The following CACNA2D3 variants were observed in gnomAD, a reference collection of about 807,000 sequenced individuals.
The protein encoded by CACNA2D3 is voltage-dependent calcium channel subunit alpha-2/delta-3.
CACNA2D3 carries 60 observed loss-of-function variants against 160.6 expected under a neutral mutation model. The observed-to-expected ratio is 0.37, with a 90% CI of 0.30 to 0.46. The LOEUF is 0.46. Ranked by LOEUF, CACNA2D3 falls within the 20% of genes least tolerant of loss-of-function variation. CACNA2D3 has a pLI of 1.00. For synonymous variants in CACNA2D3, 558 were observed against 492.9 expected (o/e 1.13, Z -1.75); for missense variants, 1,205 against 1,365.0 (o/e 0.88, Z 1.85).
In CACNA2D3 at chr3:54,933,174, A is replaced by G. The variant is rs1243267638; in HGVS notation, c.2449+33306A>G. ...TATAAGAGATAGAAAAATAAGAAAC[A>G]TAGAAAACTAGGAATATATTTTAAA... On this transcript the variant is annotated intron_variant, in intron 27 of 37. Transcript: ENST00000474759. Among the ~76,000 whole-genome samples, 4 of 152,082 alleles carry G rather than the reference A, an allele frequency of 2.6e-5. No homozygotes were observed. In the East Asian group the frequency reaches 5.8e-4, roughly 22 times the overall value.
intron 27 of CACNA2D3, among the ~76,000 whole-genome samples, chr3:54,908,087 T>C (rs1237485950): frequency 6.6e-6 from 1 of 152,214 alleles, no homozygotes; most frequent in East Asian, 1.9e-4. Flanking sequence ...AGTAGAATTG[T>C]TGGGTCATAT....
chr3:54,970,617 T>C (rs1702255280), intron 29 of CACNA2D3, among the ~76,000 whole-genome samples: 1 of 110,946 alleles, frequency 9.0e-6, no homozygotes, highest in Non-Finnish European at 1.8e-5. Context: ...TCTCCTCTGC[T>C]CTCCTCTCCT....
chr3:54,677,438 C>A (rs1361568477), intron 11 of CACNA2D3, among the ~76,000 whole-genome samples: 4 of 152,080 alleles, frequency 2.6e-5, no homozygotes, highest in Non-Finnish European at 5.9e-5. Context: ...TGGTACTCTT[C>A]AATAAAAAGA....
At chr3:54,922,547 C>T (rs1457216705) in intron 27 of CACNA2D3, among the ~76,000 whole-genome samples, 1 of 152,086 alleles carries the variant, frequency 6.6e-6, no homozygotes, top group Non-Finnish European at 1.5e-5. Flanking sequence ...ATGTAATTTA[C>T]TATTACATTG....
intron 17 of CACNA2D3, among the ~76,000 whole-genome samples, chr3:54,848,591 T>C (rs1698986596): frequency 6.6e-6 from 1 of 152,246 alleles, no homozygotes; most frequent in Non-Finnish European, 1.5e-5. Context: ...TTTAGGGTGA[T>C]ACCAACCGTT....
intron 4 of CACNA2D3, among the ~76,000 whole-genome samples, chr3:54,418,056 G>A (rs1263958015): frequency 6.6e-6 from 1 of 152,138 alleles, no homozygotes; most frequent in Non-Finnish European, 1.5e-5. Flanking sequence ...CCGAAGTTCC[G>A]AAATTACAGG....
At chr3:54,359,930 C>G (rs1201924148) in intron 3 of CACNA2D3, among the ~76,000 whole-genome samples, 2 of 152,138 alleles carry the variant, frequency 1.3e-5, no homozygotes, top group African/African-American at 2.4e-5. Context: ...TTTAGAGATT[C>G]TGTTGGCAGG....
intron 11 of CACNA2D3, among the ~76,000 whole-genome samples, chr3:54,710,016 A>G (rs1323190148): frequency 2.6e-5 from 4 of 152,176 alleles, no homozygotes; most frequent in Non-Finnish European, 1.5e-5. Flanking sequence ...TCACACACGC[A>G]CACAGGGAGA....
chr3:54,769,578 A>G (rs1251001424), intron 13 of CACNA2D3, among the ~76,000 whole-genome samples: 1 of 152,160 alleles, frequency 6.6e-6, no homozygotes, highest in Non-Finnish European at 1.5e-5. Context: ...TTCTAACATG[A>G]GAATACGACC....
intron 13 of CACNA2D3, among the ~76,000 whole-genome samples, chr3:54,773,349 T>A (rs1268550995): frequency 6.6e-6 from 1 of 152,146 alleles, no homozygotes; most frequent in Non-Finnish European, 1.5e-5. Flanking sequence ...TTTACAGTAT[T>A]TTTCCAAGAC....
chr3:54,952,460 G>T (rs1004296198), intron 27 of CACNA2D3, among the ~76,000 whole-genome samples: 3 of 152,180 alleles, frequency 2.0e-5, no homozygotes, highest in African/African-American at 7.2e-5. Context: ...TCAGTTCACA[G>T]ATGTGGGAAA....
intron 2 of CACNA2D3, among the ~76,000 whole-genome samples, chr3:54,265,421 A>G (rs1291806938): frequency 6.6e-6 from 1 of 152,078 alleles, no homozygotes; most frequent in Non-Finnish European, 1.5e-5. Flanking sequence ...AGCACTAGGG[A>G]AATACCTAAT....
intron 4 of CACNA2D3, among the ~76,000 whole-genome samples, chr3:54,406,603 A>G (rs1384178691): frequency 6.6e-6 from 1 of 152,180 alleles, no homozygotes; most frequent in Non-Finnish European, 1.5e-5. Context: ...GGAATCTAAA[A>G]AAACAAAAAG....
At chr3:54,709,169 C>T (rs893285584) in intron 11 of CACNA2D3, among the ~76,000 whole-genome samples, 1 of 149,764 alleles carries the variant, frequency 6.7e-6, no homozygotes, top group Non-Finnish European at 1.5e-5. Context: ...ACCACCATGC[C>T]TGACTAATTT....
At chr3:54,709,794 C>G (rs1322903234) in intron 11 of CACNA2D3, among the ~76,000 whole-genome samples, 1 of 152,134 alleles carries the variant, frequency 6.6e-6, no homozygotes, top group Admixed American at 6.5e-5. Context: ...GAAATGATGG[C>G]ATGTGCCTGT....
intron 13 of CACNA2D3, among the ~76,000 whole-genome samples, chr3:54,811,400 C>T (rs1189785624): frequency 6.7e-6 from 1 of 150,244 alleles, no homozygotes; most frequent in Non-Finnish European, 1.5e-5. Context: ...TCAACTCTAC[C>T]TGGGGTCAGA....
At chr3:54,579,061 T>C (rs1247080194) in intron 8 of CACNA2D3, among the ~76,000 whole-genome samples, 1 of 152,186 alleles carries the variant, frequency 6.6e-6, no homozygotes, top group Non-Finnish European at 1.5e-5. Context: ...GCTCAAACTG[T>C]ACAACCCCAG....
At chr3:54,265,643 TGTGTATATATATA>T (rs1356884298) in intron 2 of CACNA2D3, among the ~76,000 whole-genome samples, 2 of 147,546 alleles carry the variant, frequency 1.4e-5, no homozygotes, top group African/African-American at 2.5e-5. Context: ...ATATATATAG[TGTGTATATATATA>T]GTGTATATAT....
In CACNA2D3 at chr3:55,073,365, C is replaced by CACCCAGGAGAGAAGTCTT. The variant is rs546075230; in HGVS notation, c.2988-79_2988-62dup. 418 of 1,012,816 alleles carry CACCCAGGAGAGAAGTCTT rather than the reference C, an allele frequency of 4.1e-4. 3 individuals are homozygous for CACCCAGGAGAGAAGTCTT. The African/African-American group carries it at 6.2e-3, about 15-fold the overall frequency. 62.7% of individuals were successfully genotyped at this position (1,012,816 alleles called of 1,614,324 possible). ...CTTTACAAAATATGGTAGTTGCTAC[C>CACCCAGGAGAGAAGTCTT]ACCCAGGAGAGAAGTCTTCCTCATG... On this transcript the variant is annotated intron_variant, in intron 35 of 37. Coordinates refer to ENST00000474759, the MANE Select transcript of CACNA2D3 (RefSeq NM_018398.3).
Sources: gnomAD v4.1 joint callset for allele counts (sites outside exome capture counted in the v4.1 genomes callset) on GRCh38, gnomAD v4.1.1 for gene constraint, MANE v1.5 for transcripts, NCBI Gene and HGNC (gene_info 2026-07-23, HGNC 2026-07-21) for gene names.